ADAM23: variants seen among roughly 807,000 people sequenced by gnomAD.
ADAM23 encodes the protein ADAM metallopeptidase domain 23.
ADAM23 carries 33 observed loss-of-function variants against 120.1 expected under a neutral mutation model. The observed-to-expected ratio is 0.27, with a 90% CI of 0.21 to 0.37. The LOEUF (loss-of-function observed/expected upper bound fraction) is 0.37, where lower values mean the gene tolerates loss of function less well. Ranked by LOEUF, ADAM23 falls within the 10% of genes least tolerant of loss-of-function variation. The pLI is 1.00. For missense variants in ADAM23, 862 were observed against 1,058.2 expected (o/e 0.81, Z 2.57); for synonymous variants, 367 against 375.2 (o/e 0.98, Z 0.25).
intron 24 of ADAM23, among the ~76,000 whole-genome samples, chr2:206,604,063 G>A (rs1169942511): frequency 5.3e-5 from 8 of 151,800 alleles, no homozygotes; most frequent in African/African-American, 1.9e-4. Flanking sequence ...TCAGGAGTTC[G>A]AGACCAGCCT....
At chr2:206,512,108 A>G (rs1291625991) in intron 3 of ADAM23, among the ~76,000 whole-genome samples, 2 of 152,200 alleles carry the variant, frequency 1.3e-5, no homozygotes, top group African/African-American at 2.4e-5. Flanking sequence ...AAATGTAGGT[A>G]ACTGTAGGAA....
intron 4 of ADAM23, among the ~76,000 whole-genome samples, chr2:206,532,127 T>C (rs1365724698): frequency 1.3e-5 from 2 of 152,120 alleles, no homozygotes; most frequent in African/African-American, 4.8e-5. Flanking sequence ...AAAAGCTAAA[T>C]CAAGCGCGGG....
At chr2:206,593,029 GT>G (rs1191650917) in intron 22 of ADAM23, among the ~76,000 whole-genome samples, 8 of 152,088 alleles carry the variant, frequency 5.3e-5, no homozygotes, top group African/African-American at 1.9e-4. Flanking sequence ...CATTATTAAA[GT>G]TTTAAGCATT....
At chr2:206,483,962 A>G (rs575524789) in intron 3 of ADAM23, among the ~76,000 whole-genome samples, 3 of 152,280 alleles carry the variant, frequency 2.0e-5, no homozygotes, top group South Asian at 4.2e-4. Flanking sequence ...ATGATGACAG[A>G]GCAAGTTGGC....
intron 2 of ADAM23, among the ~76,000 whole-genome samples, chr2:206,477,897 A>AAAAATATATATATATATAT (rs374524658): frequency 3.0e-4 from 28 of 93,562 alleles, no homozygotes; most frequent in East Asian, 7.7e-4. Context: ...AAAAAAAAAA[A>AAAAATATATATATATATAT]ATATATATAT....
chr2:206,461,303 C>T, intron 2 of ADAM23, among the ~76,000 whole-genome samples: 1 of 152,036 alleles, frequency 6.6e-6, no homozygotes, highest in Non-Finnish European at 1.5e-5. Context: ...CTCAAGTGAC[C>T]CACCTGCCTT....
intron 4 of ADAM23, among the ~76,000 whole-genome samples, chr2:206,539,792 AG>A (rs1371938939): frequency 1.3e-5 from 2 of 152,214 alleles, no homozygotes; most frequent in African/African-American, 2.4e-5. Flanking sequence ...AGTGGTCTGA[AG>A]TGTTACCAAA....
chr2:206,617,459 A>T, intron 25 of ADAM23, 120 bp from the exon 26 acceptor site: 2 of 1,115,482 alleles, frequency 1.8e-6, no homozygotes, highest in Non-Finnish European at 2.4e-6. Context: ...CATGTGAGTT[A>T]ATTACTTTGC....
intron 3 of ADAM23, among the ~76,000 whole-genome samples, chr2:206,511,901 AG>A (rs1696631320): frequency 6.6e-6 from 1 of 152,222 alleles, no homozygotes; most frequent in Admixed American, 6.5e-5. Context: ...ATGAGAGGGA[AG>A]GAAACATTTT....
intron 3 of ADAM23, among the ~76,000 whole-genome samples, chr2:206,498,550 A>G (rs1696309919): frequency 6.6e-6 from 1 of 152,226 alleles, no homozygotes; most frequent in Admixed American, 6.5e-5. Flanking sequence ...TAAAAACCCT[A>G]CAAGAAAACC....
chr2:206,498,264 C>T (rs1696302380), intron 3 of ADAM23, among the ~76,000 whole-genome samples: 2 of 152,186 alleles, frequency 1.3e-5, no homozygotes, highest in Non-Finnish European at 2.9e-5. Context: ...TACAAGGCTA[C>T]AGTAACCAAA....
At chr2:206,586,836 ATGGAGATATAGCACTTACT>A (rs1180571467) in intron 18 of ADAM23, among the ~76,000 whole-genome samples, 5 of 152,188 alleles carry the variant, frequency 3.3e-5, no homozygotes, top group African/African-American at 1.2e-4. Flanking sequence ...TATTAATATA[ATGGAGATATAGCACTTACT>A]TTGTGTTGAA....
chr2:206,566,052 T>C (rs1697871036), intron 14 of ADAM23, among the ~76,000 whole-genome samples: 1 of 152,032 alleles, frequency 6.6e-6, no homozygotes, highest in Non-Finnish European at 1.5e-5. Flanking sequence ...TAGTAATTTA[T>C]GGCTTAACCA....
intron 2 of ADAM23, among the ~76,000 whole-genome samples, chr2:206,464,877 T>C (rs912592192): frequency 6.6e-6 from 1 of 151,888 alleles, no homozygotes; most frequent in African/African-American, 2.4e-5. Context: ...GCCTAACAGG[T>C]CAATAGTGCT....
intron 15 of ADAM23, 87 bp downstream of exon 15, chr2:206,567,409 T>C: frequency 1.9e-6 from 2 of 1,060,274 alleles, no homozygotes; most frequent in Non-Finnish European, 2.7e-6. Context: ...GACGCCTGTC[T>C]TGGAAAGCAG....
At chr2:206,550,632 C>T (rs1434640285) in intron 9 of ADAM23, among the ~76,000 whole-genome samples, 1 of 143,522 alleles carries the variant, frequency 7.0e-6, no homozygotes, top group Non-Finnish European at 1.5e-5. Context: ...GACGGAGTCT[C>T]GCTCTGTCGC....
At chr2:206,583,402 C>T (rs186607610) in intron 18 of ADAM23, among the ~76,000 whole-genome samples, 9 of 150,552 alleles carry the variant, frequency 6.0e-5, no homozygotes, top group African/African-American at 1.5e-4. Flanking sequence ...TGCAGTGAGC[C>T]GAGATAGTGC....
At chr2:206,451,993 G>A (rs2105850821) in intron 2 of ADAM23, among the ~76,000 whole-genome samples, 1 of 152,326 alleles carries the variant, frequency 6.6e-6, no homozygotes, top group South Asian at 2.1e-4. Context: ...ACACGTGCTT[G>A]CAGAAGATAA....
intron 3 of ADAM23, among the ~76,000 whole-genome samples, chr2:206,508,237 G>A (rs535436699): frequency 3.1e-4 from 47 of 152,276 alleles, no homozygotes; most frequent in East Asian, 2.5e-3. Context: ...CACCGTGTTA[G>A]CCAGGATGGT....
Sources: gnomAD v4.1 joint callset for allele counts (sites outside exome capture counted in the v4.1 genomes callset) on GRCh38, gnomAD v4.1.1 for gene constraint, MANE v1.5 for transcripts, NCBI Gene and HGNC (gene_info 2026-07-23, HGNC 2026-07-21) for gene names.